FAM149B1: variants seen among roughly 807,000 people sequenced by gnomAD.
FAM149B1 encodes the protein family with sequence similarity 149 member B1, also known as primary cilium assembly protein FAM149B1.
A neutral mutation model predicts 75.3 loss-of-function variants in FAM149B1; 56 were observed. That is an observed-to-expected ratio of 0.74 (90% CI 0.60 to 0.93). The LOEUF is 0.93. FAM149B1 is among the 40% of genes least tolerant of loss of function. The probability of loss-of-function intolerance (pLI) is 0.00; values close to 1 mark genes in which losing one functional copy is unlikely to be tolerated. For missense variants in FAM149B1, 639 were observed against 708.4 expected (o/e 0.90, Z 1.11); for synonymous variants, 259 against 256.1 (o/e 1.01, Z -0.11).
chr10:73,233,351 A>T (rs1001633383), intron 10 of FAM149B1, among the ~76,000 whole-genome samples, 188 bp downstream of exon 10: 7 of 151,992 alleles, frequency 4.6e-5, no homozygotes, highest in African/African-American at 1.5e-4. Flanking sequence ...ATTTTATTTT[A>T]TTTTTTTAGA....
Position 73,168,261 on chromosome 10 carries a change from G to T in FAM149B1, c.-79G>T, listed in dbSNP as rs1027626469. On this transcript the variant is annotated 5_prime_UTR_variant, in exon 1 of 14. Transcript: ENST00000242505. Reference sequence around the variant, plus strand: ...GGGCCGGGCCGGAGCCGGCGGGAGGGCCAGGCCCGGAGGCCCCCACCCTGG... The same window carrying T: ...GGGCCGGGCCGGAGCCGGCGGGAGGTCCAGGCCCGGAGGCCCCCACCCTGG... 1.3e-6 allele frequency: 2 copies of T among 1,494,890 alleles called. No individual in the cohort carries two copies. The highest frequency in any genetic ancestry group is 2.8e-5 in the African/African-American group (2 of 71,076). The allele number at this position is 1,494,890 out of a possible 1,614,324, so 92.6% of individuals were successfully genotyped here. A position where few individuals can be genotyped will look rare whatever the true frequency, so the allele number is the denominator to read the frequency against.
intron 5 of FAM149B1, among the ~76,000 whole-genome samples, chr10:73,204,012 A>T (rs1317708673): frequency 6.6e-6 from 1 of 152,200 alleles, no homozygotes; most frequent in Non-Finnish European, 1.5e-5. Context: ...AAACCACTGA[A>T]TCAAAGAAAA....
chr10:73,206,363 A>G (rs941776189), intron 5 of FAM149B1, among the ~76,000 whole-genome samples: 1 of 152,226 alleles, frequency 6.6e-6, no homozygotes, highest in Non-Finnish European at 1.5e-5. Context: ...TTAAAAGGGG[A>G]GCAGAGCATA....
rs535305882 is a variant in FAM149B1, at chr10:73,230,098, CTG to C, written c.1024-321_1024-320del. On this transcript the variant is annotated intron_variant, in intron 8 of 13. Coordinates refer to ENST00000242505, the MANE Select transcript of FAM149B1 (RefSeq NM_173348.2). Reference sequence around the variant, plus strand: ...TTTCTATTATTGTTCCATATTTTGTCTGTGAGTTTTCTCTTCTATTTTAATGT... The same window carrying C: ...TTTCTATTATTGTTCCATATTTTGTCTGAGTTTTCTCTTCTATTTTAATGT... Among the ~76,000 whole-genome samples, 121 of 152,274 alleles carry C rather than the reference CTG, an allele frequency of 7.9e-4. 1 individual carries two copies. Among genetic ancestry groups the C allele is most frequent in the African/African-American group, 2.6e-3 (110 of 41,564 alleles).
chr10:73,170,599 C>T (rs769584052), intron 1 of FAM149B1, among the ~76,000 whole-genome samples: 4 of 152,128 alleles, frequency 2.6e-5, no homozygotes, highest in African/African-American at 7.2e-5. Flanking sequence ...CTTGTCCCTT[C>T]GCACTTTTAC....
chr10:73,178,705 T>C (rs566779658), intron 3 of FAM149B1, among the ~76,000 whole-genome samples: 37 of 152,350 alleles, frequency 2.4e-4, no homozygotes, highest in African/African-American at 8.7e-4. Context: ...ATAAATCATA[T>C]GTGTAGTGTC....
Position 73,228,106 on chromosome 10 carries a change from C to T in FAM149B1, c.945C>T (p.Ser315=). Residue 315 remains serine (S), a synonymous_variant, in exon 8 of 14, where the codon TCC becomes TCT. Transcript: ENST00000242505. ...VAVTRPDSES[S]CVLSELHPLV... ...TTACCAGACCCGATTCAGAAAGTTCCTGTGTGCTGAGTGAACTACATCCTT... is the reference window on the plus strand; with the variant it reads ...TTACCAGACCCGATTCAGAAAGTTCTTGTGTGCTGAGTGAACTACATCCTT... 6.4e-7 allele frequency: 1 copy of T among 1,551,328 alleles called. No individual in the cohort carries two copies. Among genetic ancestry groups the T allele is most frequent in the South Asian group, 1.2e-5 (1 of 84,040 alleles).
rs182988583 is a variant in FAM149B1 at position 73,236,474 on chromosome 10, C to T, written c.1602+1156C>T. On this transcript the variant is annotated intron_variant, in intron 12 of 13. Transcript: ENST00000242505. ...TGTCACCTAGGGTGGAGTGTAATGGCGCAATCTCAGCTCACTGCAACCTCT... is the reference window on the plus strand; with the variant it reads ...TGTCACCTAGGGTGGAGTGTAATGGTGCAATCTCAGCTCACTGCAACCTCT... Among the ~76,000 whole-genome samples the T allele has an allele frequency of 4.6e-3, 666 of 145,416 alleles. 1 individual carries two copies. The highest frequency in any genetic ancestry group is 9.1e-3 in the African/African-American group (354 of 38,982).
intron 12 of FAM149B1, chr10:73,238,863 T>C (rs1470822851): frequency 6.5e-6 from 1 of 152,802 alleles, no homozygotes. Context: ...AATATTTGCA[T>C]TTCATAATGC....
intron 12 of FAM149B1, chr10:73,238,701 CTCT>C (rs1347090793): frequency 1.3e-5 from 2 of 152,198 alleles, no homozygotes; most frequent in Non-Finnish European, 2.9e-5. Flanking sequence ...TTCCTGAAAT[CTCT>C]TGATTTCAGT....
At position 73,188,703 on chromosome 10, in the gene FAM149B1, C is replaced by T. The variant is rs558952865; in HGVS notation, c.283-3853C>T. Among the ~76,000 whole-genome samples the T allele has an allele frequency of 2.4e-3, 332 of 136,022 alleles. 2 individuals are homozygous for T. Among genetic ancestry groups the T allele is most frequent in the Non-Finnish European group, 4.0e-3 (262 of 65,634 alleles). 89.2% of individuals were successfully genotyped at this position (136,022 alleles called of 152,430 possible). ...TCGTGCCACTGCACTCCAGCCTGGG[C>T]GACAGAGAGAGACTCTGTCTCAGAA... On this transcript the variant is annotated intron_variant, in intron 3 of 13. Coordinates refer to ENST00000242505, the MANE Select transcript of FAM149B1 (RefSeq NM_173348.2).
chr10:73,236,412 CCTTT>C (rs1320545196), intron 12 of FAM149B1, among the ~76,000 whole-genome samples: 1 of 145,866 alleles, frequency 6.9e-6, no homozygotes, highest in African/African-American at 2.6e-5. Flanking sequence ...CCAATTTCTG[CCTTT>C]TTTTTTTTTT....
chr10:73,211,000 C>G (rs1436061290), intron 7 of FAM149B1, among the ~76,000 whole-genome samples: 1 of 152,096 alleles, frequency 6.6e-6, no homozygotes, highest in Non-Finnish European at 1.5e-5. Flanking sequence ...TCAGTTCTGA[C>G]ACAGTCTACC....
chr10:73,238,924 A>T (rs2043883614), intron 12 of FAM149B1: 1 of 159,356 alleles, frequency 6.3e-6, no homozygotes, highest in Admixed American at 6.4e-5. Flanking sequence ...AGTCATAAGT[A>T]TTTCAATGTT....
Position 73,243,913 on chromosome 10 carries a change from T to C in FAM149B1, c.*2894T>C. The C allele has an allele frequency of 6.2e-7, 1 of 1,614,148 alleles. No homozygotes were observed. The highest frequency in any genetic ancestry group is 1.1e-5 in the South Asian group (1 of 91,068). The stretch of plus-strand genomic sequence containing the variant: ...CTCCTTTCTGCTCATTTCTGCTTCT[T>C]TGGCCTCTTCCTGAGCCTGAAACAG... On this transcript the variant is annotated 3_prime_UTR_variant, in exon 14 of 14. Transcript: ENST00000242505.
intron 9 of FAM149B1, among the ~76,000 whole-genome samples, chr10:73,231,874 A>G (rs905419136): frequency 1.3e-5 from 2 of 151,914 alleles, no homozygotes; most frequent in African/African-American, 4.8e-5. Flanking sequence ...AGGTGAACAT[A>G]GGGCAGCTAA....
intron 5 of FAM149B1, chr10:73,200,857 A>C: frequency 2.0e-6 from 1 of 511,958 alleles, no homozygotes; most frequent in East Asian, 5.3e-5. Context: ...TACAAGGTGC[A>C]AGGTGGACTG....
chr10:73,244,266 T>TATG lies in FAM149B1; in HGVS notation c.*3247_*3248insATG. On this transcript the variant is annotated 3_prime_UTR_variant, in exon 14 of 14. Coordinates refer to ENST00000242505, the MANE Select transcript of FAM149B1 (RefSeq NM_173348.2). ...ATCCCCATACCTTGGGAGGCCAAGG[T>TATG]GGGAGGATCACTTGAACTCAGGAGT... 1.3e-5 allele frequency: 3 copies of TATG among 227,012 alleles called. No homozygotes were observed. The highest frequency in any genetic ancestry group is 5.5e-5 in the Admixed American group (1 of 18,102). The allele number at this position is 227,012 out of a possible 1,614,324, so 14.1% of individuals were successfully genotyped here. A position where few individuals can be genotyped will look rare whatever the true frequency, so the allele number is the denominator to read the frequency against.
At chr10:73,215,856 T>C (rs2133376756) in intron 7 of FAM149B1, among the ~76,000 whole-genome samples, 1 of 152,364 alleles carries the variant, frequency 6.6e-6, no homozygotes, top group Middle Eastern at 3.4e-3. Context: ...GAATTTTCCA[T>C]GTGCTGATGA....
Sources: allele counts gnomAD v4.1 joint callset (sites outside exome capture counted in the v4.1 genomes callset), GRCh38; gene constraint gnomAD v4.1.1; transcripts MANE v1.5; gene names NCBI Gene and HGNC (gene_info 2026-07-23, HGNC 2026-07-21).